The following ZP3 variants were observed in gnomAD, a reference collection of about 807,000 sequenced individuals.
ZP3 encodes the protein zona pellucida sperm-binding protein 3.
A neutral mutation model predicts 35.6 loss-of-function variants in ZP3; 21 were observed. That is an observed-to-expected ratio of 0.59 (90% CI 0.42 to 0.85). ZP3 has a LOEUF of 0.85. ZP3 is among the 40% of genes least tolerant of loss of function. The pLI is 0.00. For missense variants in ZP3, 437 were observed against 536.5 expected (o/e 0.81, Z 1.83); for synonymous variants, 207 against 214.5 (o/e 0.96, Z 0.31).
At chr7:76,400,315 T>C (rs774779955) in intron 1 of ZP3, 48 of 1,499,460 alleles carry the variant, frequency 3.2e-5, no homozygotes, top group Non-Finnish European at 4.0e-5. Context: ...ATCCTCGTAG[T>C]GAAAGCAATT....
intron 5 of ZP3, among the ~76,000 whole-genome samples, chr7:76,436,243 C>T (rs1806004844): frequency 6.6e-6 from 1 of 152,026 alleles, no homozygotes; most frequent in Non-Finnish European, 1.5e-5. Flanking sequence ...GAGATGGTTT[C>T]ACCATATTGG....
chr7:76,404,879 G>C (rs976495393), intron 1 of ZP3, among the ~76,000 whole-genome samples: 4 of 151,698 alleles, frequency 2.6e-5, no homozygotes, highest in African/African-American at 7.3e-5. Context: ...AGACTAGCCT[G>C]GCCAACATGG....
Position 76,433,562 on chromosome 7 carries a change from C to T in ZP3, c.628C>T (p.Leu210=). The T allele has an allele frequency of 6.2e-7, 1 of 1,614,202 alleles. No individual in the cohort carries two copies. The highest frequency in any genetic ancestry group is 8.5e-7 in the Non-Finnish European group (1 of 1,180,022). ...AATCCACACTGGCAGCCACGTGCCA[C>T]TGCGGTTGTTTGTGGACCACTGCGT... ...AEIHTGSHVP[L]RLFVDHCVAT... Residue 210 remains leucine (L), a synonymous_variant, in exon 4 of 8, where the codon CTG becomes TTG. Transcript: ENST00000394857.
At chr7:76,405,979 CTTTCT>C (rs201510499) in intron 1 of ZP3, among the ~76,000 whole-genome samples, 10 of 148,010 alleles carry the variant, frequency 6.8e-5, no homozygotes, top group East Asian at 2.0e-4. Context: ...CTTTCCTTTC[CTTTCT>C]TTTCTTTTCT....
At chr7:76,398,846 C>T (rs75640836) in intron 1 of ZP3, 306,611 of 1,594,396 alleles carry the variant, frequency 0.19, 31,684 homozygotes, top group Middle Eastern at 0.24. Context: ...TCTCCATCCT[C>T]ACACCACGGG....
At chr7:76,413,213 G>A (rs530096616) in intron 1 of ZP3, among the ~76,000 whole-genome samples, 1 of 151,268 alleles carries the variant, frequency 6.6e-6, no homozygotes. Context: ...TCCCCAACTC[G>A]GCCTCCCAAA....
chr7:76,400,521 G>A (rs1447987792), intron 1 of ZP3: 1 of 1,577,684 alleles, frequency 6.3e-7, no homozygotes, highest in Non-Finnish European at 8.6e-7. Context: ...CACAGACGCT[G>A]CCCCAGGAGC....
intron 1 of ZP3, among the ~76,000 whole-genome samples, chr7:76,406,950 TA>T (rs2115817247): frequency 6.6e-6 from 1 of 151,890 alleles, no homozygotes; most frequent in South Asian, 2.1e-4. Flanking sequence ...TCTTCTGATT[TA>T]AATTATTTAT....
At chr7:76,433,724 A>C in intron 4 of ZP3, 77 bp downstream of exon 4, 1 of 1,439,638 alleles carries the variant, frequency 6.9e-7, no homozygotes, top group Non-Finnish European at 9.5e-7. Flanking sequence ...TTTTTGAGAC[A>C]GTGTCACTCT....
intron 1 of ZP3, among the ~76,000 whole-genome samples, chr7:76,415,349 A>C (rs969581744): frequency 1.6e-4 from 22 of 138,638 alleles, no homozygotes; most frequent in African/African-American, 6.2e-4. Context: ...CTGGCGATAG[A>C]GTGAGACTCC....
rs371181806 is a variant in ZP3, at chr7:76,428,197, C to CCT, written c.313-1317_313-1316dup. On this transcript the variant is annotated intron_variant, in intron 1 of 7. Coordinates refer to ENST00000394857, the MANE Select transcript of ZP3 (RefSeq NM_001110354.2). The stretch of plus-strand genomic sequence containing the variant: ...AAAAAAAAAGGCACGGTGGCACGTG[C>CCT]CTGTAATTCCAGCTACTCAGAGGCT... 4.3e-3 allele frequency among the ~76,000 whole-genome samples: 650 copies of CCT among 150,860 alleles called. 6 individuals are homozygous for CCT. The highest frequency in any genetic ancestry group is 0.015 in the African/African-American group (620 of 41,058).
At chr7:76,398,814 G>T in intron 1 of ZP3, 2 of 1,610,734 alleles carry the variant, frequency 1.2e-6, no homozygotes, top group Non-Finnish European at 1.7e-6. Context: ...AGGAAGTGAA[G>T]TGGATACAGG....
chr7:76,418,684 A>G (rs762047872), intron 1 of ZP3, among the ~76,000 whole-genome samples: 9 of 151,486 alleles, frequency 5.9e-5, no homozygotes, highest in African/African-American at 1.2e-4. Context: ...GTAAAACTCC[A>G]TCTCTACTAA....
At chr7:76,405,998 C>A (rs1805015749) in intron 1 of ZP3, among the ~76,000 whole-genome samples, 1 of 142,592 alleles carries the variant, frequency 7.0e-6, no homozygotes, top group South Asian at 2.2e-4. Context: ...CTTTTCTTTT[C>A]TTTCTTTGAT....
At chr7:76,404,299 G>A in intron 1 of ZP3, 1 of 1,588,810 alleles carries the variant, frequency 6.3e-7, no homozygotes, top group South Asian at 1.1e-5. Context: ...TAACAGGGGA[G>A]GACTCACCCA....
chr7:76,432,578 A>T (rs1805863192), intron 2 of ZP3, among the ~76,000 whole-genome samples: 1 of 151,982 alleles, frequency 6.6e-6, no homozygotes, highest in African/African-American at 2.4e-5. Context: ...CACCTCCCAA[A>T]GTGCTGGGAT....
At chr7:76,410,084 G>A (rs1232248141) in intron 1 of ZP3, among the ~76,000 whole-genome samples, 2 of 152,008 alleles carry the variant, frequency 1.3e-5, no homozygotes, top group African/African-American at 4.8e-5. Flanking sequence ...GGCTGCTGGA[G>A]TGCAATGGCA....
At chr7:76,433,911 C>A (rs2115919661) in intron 4 of ZP3, 127 bp from the exon 5 acceptor site, 2 of 803,378 alleles carry the variant, frequency 2.5e-6, no homozygotes, top group South Asian at 3.6e-5. Flanking sequence ...GTTTGCCAGG[C>A]TAGTCTCGAA....
intron 2 of ZP3, among the ~76,000 whole-genome samples, chr7:76,431,430 T>G (rs1316513529): frequency 2.0e-5 from 3 of 152,170 alleles, no homozygotes; most frequent in Non-Finnish European, 2.9e-5. Context: ...TACCTGAGTC[T>G]GGTTATCAAT....
Sources: allele counts gnomAD v4.1 joint callset (sites outside exome capture counted in the v4.1 genomes callset), GRCh38; gene constraint gnomAD v4.1.1; transcripts MANE v1.5; gene names NCBI Gene and HGNC (gene_info 2026-07-23, HGNC 2026-07-21).